Variants in CACNA2D3 observed in about 807,000 individuals in gnomAD.
The protein encoded by CACNA2D3 is calcium voltage-gated channel auxiliary subunit alpha2delta 3, also known as voltage-dependent calcium channel subunit alpha-2/delta-3.
CACNA2D3 carries 60 observed loss-of-function variants against 160.6 expected under a neutral mutation model. That is an observed-to-expected ratio of 0.37 (90% CI 0.30 to 0.46). CACNA2D3 has a LOEUF of 0.46. Ranked by LOEUF, CACNA2D3 falls within the 20% of genes least tolerant of loss-of-function variation. CACNA2D3 has a pLI of 1.00. For synonymous variants in CACNA2D3, 558 were observed against 492.9 expected (o/e 1.13, Z -1.75); for missense variants, 1,205 against 1,365.0 (o/e 0.88, Z 1.85).
intron 2 of CACNA2D3, among the ~76,000 whole-genome samples, chr3:54,134,934 A>G (rs1359908926): frequency 6.6e-6 from 1 of 152,258 alleles, no homozygotes; most frequent in Non-Finnish European, 1.5e-5. Context: ...AGGAGCACCA[A>G]GCGAGACTGA....
chr3:54,853,276 T>C (rs1284738969), intron 17 of CACNA2D3, among the ~76,000 whole-genome samples: 3 of 152,200 alleles, frequency 2.0e-5, no homozygotes, highest in Non-Finnish European at 2.9e-5. Flanking sequence ...CTGTGGTCCT[T>C]TGTGAATAGC....
chr3:54,771,169 C>T (rs981374711), intron 13 of CACNA2D3, among the ~76,000 whole-genome samples: 1 of 152,228 alleles, frequency 6.6e-6, no homozygotes, highest in South Asian at 2.1e-4. Context: ...TTTCCAGACA[C>T]AGAGAGAGGG....
intron 4 of CACNA2D3, among the ~76,000 whole-genome samples, chr3:54,424,430 T>G (rs962933810): frequency 6.6e-6 from 1 of 152,192 alleles, no homozygotes; most frequent in African/African-American, 2.4e-5. Flanking sequence ...TCTGTTGGTG[T>G]TTTTGCCCTG....
At chr3:54,977,846 G>T (rs933358239) in intron 29 of CACNA2D3, among the ~76,000 whole-genome samples, 12 of 152,164 alleles carry the variant, frequency 7.9e-5, no homozygotes, top group Non-Finnish European at 1.5e-4. Context: ...AGTTTATTAA[G>T]AACATAAAGC....
intron 11 of CACNA2D3, among the ~76,000 whole-genome samples, chr3:54,674,718 A>G (rs1264322082): frequency 1.3e-5 from 2 of 152,152 alleles, no homozygotes; most frequent in Non-Finnish European, 2.9e-5. Context: ...AGGATAAGAG[A>G]GAGGTGGTAG....
intron 11 of CACNA2D3, among the ~76,000 whole-genome samples, chr3:54,651,274 A>G (rs1173015184): frequency 2.0e-5 from 3 of 152,132 alleles, no homozygotes; most frequent in African/African-American, 7.2e-5. Context: ...GGCTACAGTC[A>G]GAGAGCAGGA....
chr3:54,588,004 C>A lies in CACNA2D3; in HGVS notation c.963+6127C>A, dbSNP rs193059282. Among the ~76,000 whole-genome samples, 232 of 152,250 alleles carry A rather than the reference C, an allele frequency of 1.5e-3. 1 individual carries two copies. The highest frequency in any genetic ancestry group is 2.6e-3 in the Non-Finnish European group (180 of 68,002). On this transcript the variant is annotated intron_variant, in intron 9 of 37. Transcript: ENST00000474759. ...TAAGGCTAGCGTTTCCCTGACAAAC[C>A]AAAGACAGTGCAGAAAAAGAACAAT...
At chr3:54,162,680 A>G (rs1700368755) in intron 2 of CACNA2D3, among the ~76,000 whole-genome samples, 4 of 152,156 alleles carry the variant, frequency 2.6e-5, no homozygotes, top group Non-Finnish European at 1.5e-5. Context: ...TGGAATCTCA[A>G]AGCACCCATA....
At chr3:54,608,741 A>G (rs1698686680) in intron 9 of CACNA2D3, among the ~76,000 whole-genome samples, 1 of 152,234 alleles carries the variant, frequency 6.6e-6, no homozygotes, top group South Asian at 2.1e-4. Flanking sequence ...GTCATGGCCA[A>G]ATTTCTTTGC....
At chr3:55,040,898 T>C (rs1478679907) in intron 35 of CACNA2D3, among the ~76,000 whole-genome samples, 2 of 152,188 alleles carry the variant, frequency 1.3e-5, no homozygotes, top group East Asian at 3.8e-4. Flanking sequence ...TTCATCCTAT[T>C]TTCTCTCTCT....
intron 10 of CACNA2D3, among the ~76,000 whole-genome samples, chr3:54,637,118 A>G (rs1699392619): frequency 6.6e-6 from 1 of 152,000 alleles, no homozygotes; most frequent in Non-Finnish European, 1.5e-5. Context: ...GTCCGGTTTT[A>G]GGACAGGTAA....
chr3:55,054,569 T>C (rs1282943781), intron 35 of CACNA2D3, among the ~76,000 whole-genome samples: 2 of 149,758 alleles, frequency 1.3e-5, no homozygotes, highest in African/African-American at 4.9e-5. Context: ...TTTCTAAAGT[T>C]TAATTAATAT....
At chr3:54,626,595 C>G in intron 9 of CACNA2D3, 1 of 1,493,704 alleles carries the variant, frequency 6.7e-7, no homozygotes, top group Non-Finnish European at 9.2e-7. Flanking sequence ...CCATAAAGCA[C>G]GGCGGGCCCG....
chr3:54,743,436 G>T (rs1701691291), intron 11 of CACNA2D3, among the ~76,000 whole-genome samples: 1 of 152,118 alleles, frequency 6.6e-6, no homozygotes, highest in South Asian at 2.1e-4. Flanking sequence ...TGGTCCAGAA[G>T]GAGAAGGTCA....
chr3:54,880,874 G>A lies in CACNA2D3; in HGVS notation c.1912+11G>A, dbSNP rs1172074365. 8.7e-6 allele frequency: 14 copies of A among 1,611,992 alleles called. No homozygotes were observed. The highest frequency in any genetic ancestry group is 1.1e-5 in the Non-Finnish European group (13 of 1,178,132). ...TAACCATCGAAGAAGGTAAGATACT[G>A]CCTGGCTCGTCTTATCCTTTGGTGT... On this transcript the variant is annotated intron_variant, in intron 21 of 37. Transcript: ENST00000474759.
At chr3:54,739,485 CAT>C (rs141311892) in intron 11 of CACNA2D3, among the ~76,000 whole-genome samples, 28,767 of 140,758 alleles carry the variant, frequency 0.2, 3,004 homozygotes, top group African/African-American at 0.25. Flanking sequence ...CAAAAAATAA[CAT>C]GGAGAGTGCC....
At chr3:54,345,077 G>A (rs1698431654) in intron 3 of CACNA2D3, among the ~76,000 whole-genome samples, 1 of 152,222 alleles carries the variant, frequency 6.6e-6, no homozygotes. Context: ...TCCACCCCTT[G>A]TTTAGTGTAT....
intron 27 of CACNA2D3, among the ~76,000 whole-genome samples, chr3:54,956,389 T>C (rs1266704380): frequency 6.6e-6 from 1 of 152,256 alleles, no homozygotes; most frequent in African/African-American, 2.4e-5. Context: ...AATTTTGCTG[T>C]GTCAGGCTAT....
chr3:54,289,610 C>T (rs568132141), intron 2 of CACNA2D3, among the ~76,000 whole-genome samples: 7 of 152,158 alleles, frequency 4.6e-5, no homozygotes, highest in South Asian at 2.1e-4. Flanking sequence ...GTCAATCCTA[C>T]GCCGAAAGAA....
Sources: gnomAD v4.1 joint callset for allele counts (sites outside exome capture counted in the v4.1 genomes callset) on GRCh38, gnomAD v4.1.1 for gene constraint, MANE v1.5 for transcripts, NCBI Gene and HGNC (gene_info 2026-07-23, HGNC 2026-07-21) for gene names.